Variants in CSMD1 observed in about 807,000 individuals in gnomAD.
CSMD1 encodes the protein CUB and sushi domain-containing protein 1.
CSMD1 carries 213 observed loss-of-function variants against 417.5 expected under a neutral mutation model. That is an observed-to-expected ratio of 0.51 (90% CI 0.46 to 0.57). CSMD1 has a LOEUF of 0.57. Ranked by LOEUF, CSMD1 falls within the 20% of genes least tolerant of loss-of-function variation. The pLI is 0.00. For synonymous variants in CSMD1, 2,862 were observed against 1,736.8 expected (o/e 1.65, Z -16.11); for missense variants, 6,923 against 4,529.7 (o/e 1.53, Z -15.17).
chr8:4,956,052 C>A (rs13263613), intron 1 of CSMD1, among the ~76,000 whole-genome samples: 1 of 152,092 alleles, frequency 6.6e-6, no homozygotes, highest in African/African-American at 2.4e-5. Context: ...CCACTTGCTC[C>A]TATCCTGGGG....
chr8:3,936,051 G>C (rs538745971), intron 5 of CSMD1, among the ~76,000 whole-genome samples: 3 of 152,146 alleles, frequency 2.0e-5, no homozygotes, highest in African/African-American at 7.2e-5. Context: ...AAAGTTTAGA[G>C]TGTCCTGGGT....
intron 3 of CSMD1, among the ~76,000 whole-genome samples, chr8:4,399,694 C>A (rs1189300843): frequency 6.6e-6 from 1 of 152,010 alleles, no homozygotes; most frequent in African/African-American, 2.4e-5. Context: ...TACAGAAACT[C>A]CTTTTGAAAA....
chr8:3,373,933 T>A (rs1810141603), intron 18 of CSMD1, among the ~76,000 whole-genome samples: 1 of 149,656 alleles, frequency 6.7e-6, no homozygotes, highest in Admixed American at 6.8e-5. Context: ...CTGGCTGAGT[T>A]GAAGTAAAGC....
intron 5 of CSMD1, among the ~76,000 whole-genome samples, chr8:3,934,572 T>A (rs760314931): frequency 6.6e-6 from 1 of 152,164 alleles, no homozygotes; most frequent in Non-Finnish European, 1.5e-5. Flanking sequence ...TTGGTATATT[T>A]GGCCAGGCGC....
At chr8:3,937,756 A>C (rs532920430) in intron 5 of CSMD1, among the ~76,000 whole-genome samples, 58 of 152,248 alleles carry the variant, frequency 3.8e-4, no homozygotes, top group African/African-American at 1.3e-3. Context: ...ACTGATTAAG[A>C]TGTAATATAT....
At chr8:4,520,464 A>G (rs1803381745) in intron 2 of CSMD1, among the ~76,000 whole-genome samples, 1 of 152,136 alleles carries the variant, frequency 6.6e-6, no homozygotes, top group Non-Finnish European at 1.5e-5. Flanking sequence ...TTGGATCTTA[A>G]TAAGACATGG....
chr8:4,544,297 T>A (rs1047180742), intron 2 of CSMD1, among the ~76,000 whole-genome samples: 5 of 152,158 alleles, frequency 3.3e-5, no homozygotes, highest in African/African-American at 1.2e-4. Flanking sequence ...TTGTAAGAGG[T>A]CTATTGTCAA....
intron 7 of CSMD1, among the ~76,000 whole-genome samples, chr8:3,663,320 G>A (rs945177982): frequency 6.6e-6 from 1 of 152,120 alleles, no homozygotes; most frequent in Non-Finnish European, 1.5e-5. Flanking sequence ...ATTTTTCAGA[G>A]GTAGGCATGG....
At chr8:3,981,587 T>G (rs567963773) in intron 5 of CSMD1, among the ~76,000 whole-genome samples, 1 of 152,080 alleles carries the variant, frequency 6.6e-6, no homozygotes, top group East Asian at 1.9e-4. Flanking sequence ...CACTCATAAT[T>G]TTTCCTTTAA....
chr8:4,230,441 T>C (rs1183290660), intron 3 of CSMD1, among the ~76,000 whole-genome samples: 1 of 152,182 alleles, frequency 6.6e-6, no homozygotes, highest in South Asian at 2.1e-4. Context: ...ACTTAACATA[T>C]TTATTAAATT....
chr8:4,787,029 T>C (rs77524239), intron 1 of CSMD1, among the ~76,000 whole-genome samples: 10 of 152,210 alleles, frequency 6.6e-5, no homozygotes, highest in Admixed American at 4.6e-4. Context: ...AGGAAGCAGA[T>C]AGAGCAGTCA....
intron 2 of CSMD1, among the ~76,000 whole-genome samples, chr8:4,634,289 A>G (rs1486457718): frequency 1.3e-5 from 2 of 152,194 alleles, no homozygotes; most frequent in Non-Finnish European, 2.9e-5. Context: ...ATTTCTGACT[A>G]AAGTTCCAGT....
intron 1 of CSMD1, among the ~76,000 whole-genome samples, chr8:4,785,290 C>T (rs1359013020): frequency 6.6e-6 from 1 of 152,112 alleles, no homozygotes; most frequent in Non-Finnish European, 1.5e-5. Flanking sequence ...TAATGGGGCA[C>T]ATTGGGCAAG....
chr8:3,128,882 C>T (rs1196977385), intron 41 of CSMD1: 5 of 454,702 alleles, frequency 1.1e-5, no homozygotes, highest in South Asian at 3.1e-5. Flanking sequence ...GAAAGCAGGA[C>T]CAATGTTTCC....
chr8:3,260,439 G>A (rs1241881876), intron 26 of CSMD1, among the ~76,000 whole-genome samples: 1 of 152,026 alleles, frequency 6.6e-6, no homozygotes, highest in Non-Finnish European at 1.5e-5. Flanking sequence ...CCATCGGGGT[G>A]CATCAACTCA....
intron 26 of CSMD1, among the ~76,000 whole-genome samples, chr8:3,267,743 C>T (rs752247132): frequency 9.2e-5 from 14 of 152,284 alleles, no homozygotes; most frequent in Non-Finnish European, 1.6e-4. Context: ...GGGTGGGGCA[C>T]ACTACATGCC....
chr8:4,025,104 G>A (rs1796993770), intron 4 of CSMD1, among the ~76,000 whole-genome samples: 1 of 152,180 alleles, frequency 6.6e-6, no homozygotes, highest in Non-Finnish European at 1.5e-5. Flanking sequence ...GAATAAAAGG[G>A]GACACCGAAG....
chr8:3,560,074 T>C (rs569121357), intron 10 of CSMD1, among the ~76,000 whole-genome samples: 77 of 152,190 alleles, frequency 5.1e-4, no homozygotes, highest in Middle Eastern at 3.4e-3. Flanking sequence ...TCTGGATCTG[T>C]TCACTAGAAA....
intron 5 of CSMD1, among the ~76,000 whole-genome samples, chr8:3,994,413 T>C (rs1186825927): frequency 7.8e-6 from 1 of 127,948 alleles, no homozygotes; most frequent in Non-Finnish European, 1.6e-5. Context: ...TTATTAGAAG[T>C]ACAAGTTATA....
Sources: gnomAD v4.1 joint callset for allele counts (sites outside exome capture counted in the v4.1 genomes callset) on GRCh38, gnomAD v4.1.1 for gene constraint, MANE v1.5 for transcripts, NCBI Gene and HGNC (gene_info 2026-07-23, HGNC 2026-07-21) for gene names.